The following CACNA2D3 variants were observed in gnomAD, a reference collection of about 807,000 sequenced individuals.
CACNA2D3 encodes the protein calcium voltage-gated channel auxiliary subunit alpha2delta 3.
In CACNA2D3, 60 loss-of-function variants were observed where a neutral mutation model predicts 160.6. That is an observed-to-expected ratio of 0.37 (90% CI 0.30 to 0.46). The LOEUF (loss-of-function observed/expected upper bound fraction) is 0.46, where lower values mean the gene tolerates loss of function less well. Among genes scored for constraint, CACNA2D3 ranks in the 20% least tolerant of loss-of-function variants. The pLI is 1.00. For synonymous variants in CACNA2D3, 558 were observed against 492.9 expected (o/e 1.13, Z -1.75); for missense variants, 1,205 against 1,365.0 (o/e 0.88, Z 1.85).
chr3:54,803,739 A>G (rs963425006), intron 13 of CACNA2D3, among the ~76,000 whole-genome samples: 2 of 152,240 alleles, frequency 1.3e-5, no homozygotes, highest in African/African-American at 2.4e-5. Flanking sequence ...GAGCAACTCC[A>G]AGACACATAA....
intron 2 of CACNA2D3, among the ~76,000 whole-genome samples, chr3:54,262,653 C>T (rs991503650): frequency 1.7e-4 from 26 of 152,006 alleles, no homozygotes; most frequent in Non-Finnish European, 3.4e-4. Flanking sequence ...GCTGAGCATC[C>T]GTCGTGTGAT....
At chr3:54,661,261 C>T (rs1699964844) in intron 11 of CACNA2D3, among the ~76,000 whole-genome samples, 1 of 152,130 alleles carries the variant, frequency 6.6e-6, no homozygotes, top group African/African-American at 2.4e-5. Context: ...TCAACCCTTA[C>T]TTCTATGAAT....
At chr3:55,026,613 C>T (rs974568676) in intron 35 of CACNA2D3, among the ~76,000 whole-genome samples, 4 of 152,108 alleles carry the variant, frequency 2.6e-5, no homozygotes, top group Non-Finnish European at 5.9e-5. Flanking sequence ...TATGCACACC[C>T]GGGCAGAGAG....
At chr3:54,997,115 T>C (rs945055890) in intron 31 of CACNA2D3, among the ~76,000 whole-genome samples, 3 of 152,142 alleles carry the variant, frequency 2.0e-5, no homozygotes, top group Non-Finnish European at 2.9e-5. Context: ...GGCACATGTA[T>C]ACCTAGGTAA....
At chr3:54,256,499 A>G (rs539577144) in intron 2 of CACNA2D3, among the ~76,000 whole-genome samples, 1 of 152,294 alleles carries the variant, frequency 6.6e-6, no homozygotes, top group South Asian at 2.1e-4. Context: ...GCAGACCCTG[A>G]TTATAAATCA....
chr3:54,219,944 G>A (rs1416226528), intron 2 of CACNA2D3, among the ~76,000 whole-genome samples: 1 of 151,986 alleles, frequency 6.6e-6, no homozygotes, highest in Non-Finnish European at 1.5e-5. Flanking sequence ...AGAGATACTT[G>A]TAGAATAAAT....
intron 5 of CACNA2D3, among the ~76,000 whole-genome samples, chr3:54,530,781 G>A (rs959958524): frequency 6.6e-6 from 1 of 152,102 alleles, no homozygotes; most frequent in Admixed American, 6.5e-5. Context: ...TCAACCATAT[G>A]CAATATTGCC....
chr3:54,256,970 T>G (rs897976208), intron 2 of CACNA2D3, among the ~76,000 whole-genome samples: 3 of 152,216 alleles, frequency 2.0e-5, no homozygotes, highest in Non-Finnish European at 4.4e-5. Context: ...CGTTTGGCCC[T>G]TCCTTCATCC....
chr3:54,929,211 G>GACAA, intron 27 of CACNA2D3, among the ~76,000 whole-genome samples: 1 of 152,290 alleles, frequency 6.6e-6, no homozygotes, highest in East Asian at 1.9e-4. Flanking sequence ...CTGACATGGG[G>GACAA]ACAACATTAG....
intron 3 of CACNA2D3, among the ~76,000 whole-genome samples, chr3:54,346,929 A>G (rs1399257808): frequency 6.6e-6 from 1 of 152,250 alleles, no homozygotes; most frequent in African/African-American, 2.4e-5. Flanking sequence ...AAAGTTTACC[A>G]TTTTAACCAT....
intron 31 of CACNA2D3, among the ~76,000 whole-genome samples, chr3:54,995,816 C>G (rs893315103): frequency 6.6e-6 from 1 of 152,132 alleles, no homozygotes; most frequent in Non-Finnish European, 1.5e-5. Flanking sequence ...ATCCAGCATG[C>G]CCCAGTTTGC....
intron 11 of CACNA2D3, among the ~76,000 whole-genome samples, chr3:54,653,148 A>G (rs1699808429): frequency 6.6e-6 from 1 of 152,150 alleles, no homozygotes; most frequent in Non-Finnish European, 1.5e-5. Context: ...TGGCAACTGT[A>G]TAGGGAATTG....
chr3:54,139,317 C>T (rs1046071390), intron 2 of CACNA2D3, among the ~76,000 whole-genome samples: 18 of 152,354 alleles, frequency 1.2e-4, no homozygotes, highest in East Asian at 7.7e-4. Flanking sequence ...GAGGCATGCA[C>T]GGGCTGCTGT....
chr3:54,307,868 G>A (rs144551014), intron 2 of CACNA2D3, among the ~76,000 whole-genome samples: 25 of 152,160 alleles, frequency 1.6e-4, no homozygotes, highest in African/African-American at 4.1e-4. Flanking sequence ...AACTAATATC[G>A]TGTGCTAGAG....
At chr3:54,547,070 G>A (rs990546978) in intron 5 of CACNA2D3, among the ~76,000 whole-genome samples, 1 of 152,094 alleles carries the variant, frequency 6.6e-6, no homozygotes, top group Non-Finnish European at 1.5e-5. Flanking sequence ...GAGTCATTTG[G>A]TCTCATTTAA....
intron 2 of CACNA2D3, among the ~76,000 whole-genome samples, chr3:54,225,881 A>G (rs1417973118): frequency 1.3e-5 from 2 of 151,880 alleles, no homozygotes; most frequent in African/African-American, 4.8e-5. Context: ...CTCTGCATTG[A>G]TATTTCTCCA....
intron 9 of CACNA2D3, among the ~76,000 whole-genome samples, chr3:54,616,141 T>A (rs4386460): frequency 0.26 from 39,326 of 152,054 alleles, 5,580 homozygotes; most frequent in African/African-American, 0.36. Flanking sequence ...ACATTTATTA[T>A]CTCATGTAGT....
intron 2 of CACNA2D3, among the ~76,000 whole-genome samples, chr3:54,267,868 C>G (rs1308712853): frequency 6.6e-6 from 1 of 152,122 alleles, no homozygotes; most frequent in Non-Finnish European, 1.5e-5. Flanking sequence ...ATTTGCAATT[C>G]ATCCATATAA....
chr3:54,609,698 C>G (rs889751536), intron 9 of CACNA2D3, among the ~76,000 whole-genome samples: 1 of 152,194 alleles, frequency 6.6e-6, no homozygotes, highest in African/African-American at 2.4e-5. Flanking sequence ...TTCTTCACCA[C>G]ACGACTTCTC....
Sources: gnomAD v4.1 joint callset for allele counts (sites outside exome capture counted in the v4.1 genomes callset) on GRCh38, gnomAD v4.1.1 for gene constraint, MANE v1.5 for transcripts, NCBI Gene and HGNC (gene_info 2026-07-23, HGNC 2026-07-21) for gene names.